TLE2: variants seen among roughly 807,000 people sequenced by gnomAD.
TLE2 encodes the protein transducin-like enhancer protein 2.
TLE2 carries 74 observed loss-of-function variants against 97.2 expected under a neutral mutation model. That is an observed-to-expected ratio of 0.76 (90% CI 0.63 to 0.92). The LOEUF is 0.92. Ranked by LOEUF, TLE2 falls within the 40% of genes least tolerant of loss-of-function variation. The pLI is 0.00. For missense variants in TLE2, 1,038 were observed against 1,008.7 expected (o/e 1.03, Z -0.39); for synonymous variants, 499 against 432.1 (o/e 1.15, Z -1.92).
chr19:3,039,068 A>G (rs558673171), intron 1 of TLE2, among the ~76,000 whole-genome samples: 15 of 151,424 alleles, frequency 9.9e-5, no homozygotes, highest in Admixed American at 1.3e-4. Flanking sequence ...AATTAAAAAA[A>G]AAAAATTAGC....
intron 5 of TLE2, chr19:3,020,086 C>T: frequency 2.9e-6 from 1 of 348,116 alleles, no homozygotes; most frequent in South Asian, 3.7e-5. Context: ...AGTTCGAGAC[C>T]AGCCTGGCCA....
Position 3,006,606 on chromosome 19 carries a change from T to G in TLE2, c.1314A>C (p.Ala438=). 6.2e-7 allele frequency: 1 copy of G among 1,610,308 alleles called. No individual in the cohort carries two copies. Among genetic ancestry groups the G allele is most frequent in the African/African-American group, 1.3e-5 (1 of 74,956 alleles). ...GCCGCGGGATGCCCGCGCCTACCAGTGCATCCGAGGGGAAGGGAACCGGCT... is the reference window on the plus strand; with the variant it reads ...GCCGCGGGATGCCCGCGCCTACCAGGGCATCCGAGGGGAAGGGAACCGGCT... The part of the protein sequence containing the change: ...QMQPVPFPSD[A]LVGAGIPRHA... Residue 438 remains alanine, a synonymous_variant, in exon 15 of 20, where the codon GCA becomes GCC. Coordinates refer to ENST00000262953, the MANE Select transcript of TLE2 (RefSeq NM_003260.5).
At chr19:3,001,287 AT>A (rs997464281) in intron 18 of TLE2, among the ~76,000 whole-genome samples, 7 of 141,832 alleles carry the variant, frequency 4.9e-5, no homozygotes, top group East Asian at 4.3e-4. Context: ...AAAAAAAAAA[AT>A]ATTTTTTGTA....
chr19:3,030,332 G>T (rs1227105515), upstream of TLE2, among the ~76,000 whole-genome samples: 1 of 152,226 alleles, frequency 6.6e-6, no homozygotes, highest in African/African-American at 2.4e-5. Context: ...GCCCCGACCA[G>T]AGACCACAGA....
At chr19:3,007,183 G>A (rs1326852915) in intron 14 of TLE2, among the ~76,000 whole-genome samples, 2 of 151,970 alleles carry the variant, frequency 1.3e-5, no homozygotes, top group Non-Finnish European at 1.5e-5. Flanking sequence ...TGCTTCCGGG[G>A]TTCAAGTGAT....
Position 3,002,459 on chromosome 19 carries a change from G to T in TLE2, c.1941C>A (p.Val647=). Residue 647 remains valine (V), a synonymous_variant, in exon 18 of 20, where the codon GTC becomes GTA. Coordinates refer to ENST00000262953, the MANE Select transcript of TLE2 (RefSeq NM_003260.5). ...GHCPNQDWLA[V]GMESSNVEIL... is the part of the protein sequence containing the mutation. ...TCTCCACGTTGCTACTCTCCATTCC[G>T]ACCGCCAGCCAGTCCTGGTTAGGGC... The T allele has an allele frequency of 6.2e-7, 1 of 1,602,208 alleles. No individual in the cohort carries two copies. Among genetic ancestry groups the T allele is most frequent in the Non-Finnish European group, 8.5e-7 (1 of 1,175,004 alleles).
chr19:3,005,962 C>G lies in TLE2; in HGVS notation c.1507G>C (p.Asp503His), dbSNP rs772666995. The stretch of plus-strand genomic sequence containing the variant: ...AACTTGCAGGAACGAATGTAGTTGT[C>G]TCGGTTCTGGGGTCGGGGAGAGAAG... ...PVAQLDCLNR[D>H]NYIRSCKLLP... The change falls in exon 16 of 20, where the codon GAC becomes CAC. Residue 503 changes from aspartate (D) to histidine (H), a missense_variant. By Grantham distance (81) the Asp-to-His change is moderately conservative. Transcript: ENST00000262953. The G allele has an allele frequency of 7.5e-6, 12 of 1,610,006 alleles. No homozygotes were observed. Among genetic ancestry groups the G allele is most frequent in the Non-Finnish European group, 1.0e-5 (12 of 1,176,766 alleles).
chr19:3,029,569 G>GGGT, upstream of TLE2: 3 of 698,678 alleles, frequency 4.3e-6, no homozygotes, highest in Non-Finnish European at 5.3e-6. Context: ...GGGGGGGGGG[G>GGGT]CTTGCGGGGA....
Position 3,028,378 on chromosome 19 carries a change from T to C in TLE2, c.127A>G (p.Lys43Glu), listed in dbSNP as rs748442612. The C allele has an allele frequency of 6.2e-7, 1 of 1,605,760 alleles. No homozygotes were observed. Among genetic ancestry groups the C allele is most frequent in the Non-Finnish European group, 8.5e-7 (1 of 1,175,816 alleles). Residue 43 changes from lysine to glutamate, a missense_variant, in exon 3 of 20, where the codon AAG (lysine) becomes GAG (glutamate). Physicochemically the swap from Lys to Glu is moderately conservative, Grantham distance 56. Coordinates refer to ENST00000262953, the MANE Select transcript of TLE2 (RefSeq NM_003260.5). ...QFLQAQYHSL[K>E]LECEKLASEK... ...CTGGCCAGCTTCTCACATTCTAGCT[T>C]GAGGCTGAGAAGAAGAGAGAGGGCA... is the stretch of plus-strand genomic sequence containing the variant.
At chr19:3,004,877 G>C (rs904348957) in intron 17 of TLE2, among the ~76,000 whole-genome samples, 4 of 152,122 alleles carry the variant, frequency 2.6e-5, no homozygotes, top group African/African-American at 9.7e-5. Flanking sequence ...AGCAGTGAGA[G>C]GCAGGATCTG....
Position 3,028,395 on chromosome 19 carries a change from G to A in TLE2, c.123-13C>T. Reference sequence around the variant, plus strand: ...TTCTAGCTTGAGGCTGAGAAGAAGAGAGAGGGCAAGGGGCTCCCACCCGCC... The same window carrying A: ...TTCTAGCTTGAGGCTGAGAAGAAGAAAGAGGGCAAGGGGCTCCCACCCGCC... On this transcript the variant is annotated splice_polypyrimidine_tract_variant and intron_variant, in intron 2 of 19. Transcript: ENST00000262953. 1.3e-6 allele frequency: 2 copies of A among 1,596,188 alleles called. No homozygotes were observed. The highest frequency in any genetic ancestry group is 2.3e-5 in the South Asian group (2 of 88,560).
intron 19 of TLE2, among the ~76,000 whole-genome samples, chr19:2,999,456 G>A (rs2089301191): frequency 6.6e-6 from 1 of 152,108 alleles, no homozygotes; most frequent in African/African-American, 2.4e-5. Context: ...GGCTGGGTGT[G>A]GTGGCTCACA....
At chr19:3,024,926 G>GA (rs1453869456) in intron 5 of TLE2, 94 bp downstream of exon 5, 3 of 1,110,300 alleles carry the variant, frequency 2.7e-6, no homozygotes, top group Admixed American at 2.2e-5. Context: ...CTACGCGGCA[G>GA]AATCAGTGCC....
At chr19:3,009,080 G>A in intron 13 of TLE2, 135 bp from the exon 14 acceptor site, 1 of 623,006 alleles carries the variant, frequency 1.6e-6, no homozygotes, top group Non-Finnish European at 2.7e-6. Context: ...CTCTCTGCCT[G>A]TCACACTACA....
At chr19:3,037,766 C>T (rs2090072877) in intron 1 of TLE2, among the ~76,000 whole-genome samples, 1 of 152,090 alleles carries the variant, frequency 6.6e-6, no homozygotes, top group Admixed American at 6.6e-5. Context: ...GCTTGGGTTT[C>T]CTTGTCTGGA....
Position 3,000,556 on chromosome 19 carries a change from GGGGACA to G in TLE2, c.2124+85_2124+90del, listed in dbSNP as rs992213351. ...GGGGTTAGGGTGGCGGGGGGACCTG[GGGGACA>G]GGGACAGGGGCAATCTCTCTGTCTG... is the stretch of plus-strand genomic sequence containing the variant. On this transcript the variant is annotated intron_variant, in intron 19 of 19. Transcript: ENST00000262953. 1.8e-5 allele frequency: 22 copies of G among 1,210,918 alleles called. No homozygotes were observed. In the African/African-American group the frequency reaches 2.1e-4, roughly 12 times the overall value. 75.0% of individuals were successfully genotyped at this position (1,210,918 alleles called of 1,614,324 possible).
intron 17 of TLE2, among the ~76,000 whole-genome samples, chr19:3,003,975 G>A (rs574748979): frequency 6.6e-6 from 1 of 152,214 alleles, no homozygotes; most frequent in Admixed American, 6.5e-5. Context: ...CCAAAGTGCT[G>A]AGATTACAGG....
At position 3,035,709 on chromosome 19, in the gene TLE2, T is replaced by C. The variant is rs115646716; in HGVS notation, c.64-6906A>G. ...TCCCACATGGGTCAGTGACGTCACA[T>C]AGGAAACTGGCCAATGGGGATTAGG... On this transcript the variant is annotated intron_variant, in intron 1 of 18. Coordinates refer to the TLE2 transcript ENST00000426948. 8.8e-4 allele frequency among the ~76,000 whole-genome samples: 134 copies of C among 152,098 alleles called. 1 individual carries two copies. The highest frequency in any genetic ancestry group is 3.0e-3 in the African/African-American group (124 of 41,502).
At chr19:3,022,355 C>T (rs1259364100) in intron 5 of TLE2, among the ~76,000 whole-genome samples, 1 of 151,894 alleles carries the variant, frequency 6.6e-6, no homozygotes, top group Non-Finnish European at 1.5e-5. Context: ...AACCACCCCC[C>T]CACCCCATCT....
Sources: allele counts gnomAD v4.1 joint callset (sites outside exome capture counted in the v4.1 genomes callset), GRCh38; gene constraint gnomAD v4.1.1; transcripts MANE v1.5; gene names NCBI Gene and HGNC (gene_info 2026-07-23, HGNC 2026-07-21).